Variants in TXNDC15 observed in about 807,000 individuals in gnomAD.
TXNDC15 encodes the protein thioredoxin domain containing 15, also known as thioredoxin domain-containing protein 15.
In TXNDC15, 24 loss-of-function variants were observed where a neutral mutation model predicts 35.0. The ratio of observed to expected loss-of-function variants is 0.68; its 90% CI spans 0.50 to 0.96. The LOEUF is 0.96. TXNDC15 is among the 40% of genes least tolerant of loss of function. The probability of loss-of-function intolerance (pLI) is 0.00; values close to 1 mark genes in which losing one functional copy is unlikely to be tolerated. For synonymous variants in TXNDC15, 169 were observed against 174.0 expected, an observed-to-expected ratio of 0.97 and a Z score of 0.23; for missense variants, 385 against 453.3, an observed-to-expected ratio of 0.85 and a Z score of 1.37.
At chr5:134,880,462 A>T (rs1750119799) in intron 1 of TXNDC15, among the ~76,000 whole-genome samples, 2 of 149,248 alleles carry the variant, frequency 1.3e-5, no homozygotes, top group African/African-American at 5.0e-5. Context: ...TTTGAGATGG[A>T]GTCTCGCTCT....
At chr5:134,876,829 A>G (rs907277104) in intron 1 of TXNDC15, among the ~76,000 whole-genome samples, 1 of 151,464 alleles carries the variant, frequency 6.6e-6, no homozygotes, top group East Asian at 1.9e-4. Context: ...GGAGGTAGCA[A>G]TGCTATCCAG....
At chr5:134,874,654 C>G in intron 1 of TXNDC15, 124 bp downstream of exon 1, 1 of 744,268 alleles carries the variant, frequency 1.3e-6, no homozygotes, top group Non-Finnish European at 2.0e-6. Context: ...TCTCCCCGGG[C>G]GCGTCTCCCC....
At chr5:134,889,539 T>A (rs1303492912) in intron 2 of TXNDC15, among the ~76,000 whole-genome samples, 2 of 152,234 alleles carry the variant, frequency 1.3e-5, no homozygotes, top group African/African-American at 2.4e-5. Flanking sequence ...AGTGTACTCT[T>A]GAATTGATCT....
Position 134,899,829 on chromosome 5 carries a change from T to A in TXNDC15, c.*144T>A. The A allele has an allele frequency of 1.5e-6, 1 of 663,492 alleles. No homozygotes were observed. The highest frequency in any genetic ancestry group is 2.4e-6 in the Non-Finnish European group (1 of 418,742). 41.1% of individuals were successfully genotyped at this position (663,492 alleles called of 1,614,324 possible). On this transcript the variant is annotated 3_prime_UTR_variant, in exon 5 of 5. Transcript: ENST00000358387. ...GAATCATTTGTTGAACAACTGAATG[T>A]ATAAAAAAATTATAAACTGGTGTTT...
At chr5:134,888,372 G>A (rs1188106355) in intron 2 of TXNDC15, among the ~76,000 whole-genome samples, 190 bp downstream of exon 2, 3 of 152,106 alleles carry the variant, frequency 2.0e-5, no homozygotes, top group African/African-American at 7.2e-5. Context: ...AATATAACTA[G>A]TGTTGATTAT....
intron 1 of TXNDC15, among the ~76,000 whole-genome samples, chr5:134,884,350 G>A (rs1750231923): frequency 7.3e-6 from 1 of 137,274 alleles, no homozygotes; most frequent in African/African-American, 2.7e-5. Flanking sequence ...CTAAGTTCAA[G>A]CGATTCTCCT....
chr5:134,889,988 T>C (rs1005813073), intron 2 of TXNDC15, among the ~76,000 whole-genome samples: 21 of 152,206 alleles, frequency 1.4e-4, no homozygotes, highest in Admixed American at 7.9e-4. Flanking sequence ...TTGATGTTGA[T>C]GGCTGCTGAC....
chr5:134,897,779 C>T (rs1750524588), intron 4 of TXNDC15, among the ~76,000 whole-genome samples: 3 of 152,164 alleles, frequency 2.0e-5, no homozygotes, highest in South Asian at 2.1e-4. Flanking sequence ...GAAGCCTGTG[C>T]GGGTGGATCT....
chr5:134,886,586 C>G (rs1380546958), intron 1 of TXNDC15, among the ~76,000 whole-genome samples: 2 of 152,270 alleles, frequency 1.3e-5, no homozygotes, highest in African/African-American at 4.8e-5. Flanking sequence ...GGAAAGTTCT[C>G]TTCTTCCTCC....
chr5:134,881,035 C>T (rs1750130532), intron 1 of TXNDC15, among the ~76,000 whole-genome samples: 1 of 151,470 alleles, frequency 6.6e-6, no homozygotes, highest in Non-Finnish European at 1.5e-5. Context: ...TTTTTCTGTT[C>T]CTCCACTCTC....
At chr5:134,874,631 C>A (rs772882537) in intron 1 of TXNDC15, 101 bp downstream of exon 1, 38 of 954,038 alleles carry the variant, frequency 4.0e-5, no homozygotes, top group Non-Finnish European at 5.3e-5. Flanking sequence ...GCGCGACTCG[C>A]CCCTTCTTGG....
At chr5:134,874,302 A>G, upstream of TXNDC15, 1 of 736,234 alleles carries the variant, frequency 1.4e-6, no homozygotes, top group South Asian at 2.0e-5. Context: ...CGCCCGCCAC[A>G]GCTGCCAGGT....
At position 134,887,789 on chromosome 5, in the gene TXNDC15, T is replaced by G. The variant is rs1277497143; in HGVS notation, c.198T>G (p.His66Gln). 1 of 1,614,192 alleles carries G rather than the reference T, an allele frequency of 6.2e-7. No individual in the cohort carries two copies. Among genetic ancestry groups the G allele is most frequent in the Non-Finnish European group, 8.5e-7 (1 of 1,180,014 alleles). Residue 66 changes from histidine to glutamine, a missense_variant, in exon 2 of 5, where the codon CAT becomes CAG. Transcript: ENST00000358387. The stretch of plus-strand genomic sequence containing the variant: ...ACCTGGGTGAGGAGGAGCTCCTGCA[T>G]GACCCGATGGGCCAGGACAGGGCAG... ...AVYLGEEELL[H>Q]DPMGQDRAAE... is the part of the protein sequence containing the mutation.
intron 4 of TXNDC15, among the ~76,000 whole-genome samples, chr5:134,898,876 A>G (rs534112533): frequency 6.6e-6 from 1 of 152,294 alleles, no homozygotes; most frequent in Non-Finnish European, 1.5e-5. Context: ...GGAGTTCGAG[A>G]CCAGCCTGGC....
intron 3 of TXNDC15, 59 bp from the exon 4 acceptor site, chr5:134,896,235 G>A (rs1580868849): frequency 6.4e-7 from 1 of 1,561,254 alleles, no homozygotes; most frequent in South Asian, 1.2e-5. Context: ...GATGGTAATT[G>A]TATGAGAAAG....
chr5:134,880,091 A>T (rs1335293473), intron 1 of TXNDC15, among the ~76,000 whole-genome samples: 1 of 151,748 alleles, frequency 6.6e-6, no homozygotes, highest in East Asian at 1.9e-4. Flanking sequence ...CCACGCGCCC[A>T]GCCCCTTCTT....
chr5:134,888,826 T>A (rs966395288), intron 2 of TXNDC15, among the ~76,000 whole-genome samples: 2 of 152,172 alleles, frequency 1.3e-5, no homozygotes, highest in Admixed American at 1.3e-4. Flanking sequence ...ACAGAGGCAA[T>A]TTAAACATAT....
intron 1 of TXNDC15, 100 bp downstream of exon 1, chr5:134,874,630 G>T (rs1477735597): frequency 3.2e-6 from 3 of 947,836 alleles, no homozygotes; most frequent in African/African-American, 3.4e-5. Context: ...TGCGCGACTC[G>T]CCCCTTCTTG....
chr5:134,885,582 C>G (rs1392890622), intron 1 of TXNDC15, among the ~76,000 whole-genome samples: 3 of 152,180 alleles, frequency 2.0e-5, no homozygotes, highest in Admixed American at 1.3e-4. Flanking sequence ...GGAGTCCCCT[C>G]TCTAGATAGC....
Sources: allele counts gnomAD v4.1 joint callset (sites outside exome capture counted in the v4.1 genomes callset), GRCh38; gene constraint gnomAD v4.1.1; transcripts MANE v1.5; gene names NCBI Gene and HGNC (gene_info 2026-07-23, HGNC 2026-07-21).